Variants in MTMR4 observed in about 807,000 individuals in gnomAD.
The protein encoded by MTMR4 is myotubularin related protein 4, also known as phosphatidylinositol-3,5-bisphosphate 3-phosphatase MTMR4.
In MTMR4, 30 loss-of-function variants were observed where a neutral mutation model predicts 125.5. The observed-to-expected ratio is 0.24, with a 90% CI of 0.18 to 0.32. MTMR4 has a LOEUF of 0.32. Ranked by LOEUF, MTMR4 falls within the 10% of genes least tolerant of loss-of-function variation. The probability of loss-of-function intolerance (pLI) is 1.00; values close to 1 mark genes in which losing one functional copy is unlikely to be tolerated. For synonymous variants in MTMR4, 498 were observed against 564.5 expected (o/e 0.88, Z 1.67); for missense variants, 1,039 against 1,511.5 (o/e 0.69, Z 5.18).
chr17:58,512,097 G>A lies in MTMR4; in HGVS notation c.252+293C>T, dbSNP rs554044658. ...CACCTCCCAGGTTCAAGTGATTCCC[G>A]TACCTCAGCCCCCGAGTAGGTGGGA... On this transcript the variant is annotated intron_variant, in intron 3 of 17. Transcript: ENST00000682306. The surrounding 1 kb of genome is among the most constrained non-coding windows in gnomAD (Gnocchi z 4.1). Among the ~76,000 whole-genome samples, 3 of 151,890 alleles carry A rather than the reference G, an allele frequency of 2.0e-5. No individual in the cohort carries two copies. Among genetic ancestry groups the A allele is most frequent in the East Asian group, 3.9e-4 (2 of 5,170 alleles).
Position 58,512,457 on chromosome 17 carries a change from G to C in MTMR4, c.185C>G (p.Ala62Gly), listed in dbSNP as rs754393169. Residue 62 changes from alanine (A) to glycine (G), a missense_variant, in exon 3 of 18, where the codon GCA (alanine) becomes GGA (glycine). Physicochemically the swap from Ala to Gly is moderately conservative, Grantham distance 60. Coordinates refer to ENST00000682306, the MANE Select transcript of MTMR4 (RefSeq NM_001378067.1). This position sits in a 1 kb window ranked among gnomAD's most constrained non-coding sequence, Gnocchi z 4.1. ...AGAGATGGCAATGAGGGCATCGGCT[G>C]CCCGGCCCAGGAACTCTACTCCCTC... ...QGEGVEFLGR[A>G]ADALIAISNY... The C allele has an allele frequency of 1.2e-6, 2 of 1,614,162 alleles. No homozygotes were observed. The highest frequency in any genetic ancestry group is 1.7e-5 in the Admixed American group (1 of 60,026).
In MTMR4 at chr17:58,495,274, T is replaced by C. The variant is rs1975428334; in HGVS notation, c.2910A>G (p.Arg970=). The C allele has an allele frequency of 1.2e-6, 2 of 1,614,182 alleles. No homozygotes were observed. The highest frequency in any genetic ancestry group is 1.7e-6 in the Non-Finnish European group (2 of 1,180,038). ...GPCFGGQWAQ[R]EGVKSPVCSS... ...AACAGACAGGTGACTTCACACCTTC[T>C]CTCTGAGCCCACTGGCCCCCAAAGC... Residue 970 remains arginine (R), a synonymous_variant, in exon 15 of 18, where the codon AGA becomes AGG. Coordinates refer to ENST00000682306, the MANE Select transcript of MTMR4 (RefSeq NM_001378067.1).
chr17:58,497,854 G>C (rs1254350242), intron 14 of MTMR4, among the ~76,000 whole-genome samples: 2 of 150,698 alleles, frequency 1.3e-5, no homozygotes, highest in Non-Finnish European at 3.0e-5. Flanking sequence ...GTGGGGCCTA[G>C]GGATCTGTAT....
In MTMR4 at chr17:58,490,661, G is replaced by A. The variant is rs1975292196; in HGVS notation, c.*1002C>T. Reference sequence around the variant, plus strand: ...AGGTGTCAAGTGTTCAGGATAAGAAGCAATGTGACCCAGAGGAGGCATCAG... The same window carrying A: ...AGGTGTCAAGTGTTCAGGATAAGAAACAATGTGACCCAGAGGAGGCATCAG... On this transcript the variant is annotated 3_prime_UTR_variant, in exon 18 of 18. Coordinates refer to ENST00000682306, the MANE Select transcript of MTMR4 (RefSeq NM_001378067.1). The A allele has an allele frequency of 6.6e-6, 1 of 152,618 alleles. No homozygotes were observed. The highest frequency in any genetic ancestry group is 6.5e-5 in the Admixed American group (1 of 15,268). 9.5% of individuals were successfully genotyped at this position (152,618 alleles called of 1,614,324 possible). A position where few individuals can be genotyped will look rare whatever the true frequency, so the allele number is the denominator to read the frequency against.
At position 58,508,065 on chromosome 17, in the gene MTMR4, A is replaced by G; in HGVS notation, c.707+96T>C. 1 of 851,004 alleles carries G rather than the reference A, an allele frequency of 1.2e-6. No homozygotes were observed. The highest frequency in any genetic ancestry group is 1.9e-6 in the Non-Finnish European group (1 of 519,310). 52.7% of individuals were successfully genotyped at this position (851,004 alleles called of 1,614,324 possible). On this transcript the variant is annotated intron_variant, in intron 7 of 17. Coordinates refer to ENST00000682306, the MANE Select transcript of MTMR4 (RefSeq NM_001378067.1). This position sits in a 1 kb window ranked among gnomAD's most constrained non-coding sequence, Gnocchi z 4.8. Reference sequence around the variant, plus strand: ...TTTCATACTTCCCCATAGAGTGTCAATTCTCAGTCAACCAGGTTACCCAAA... The same window carrying G: ...TTTCATACTTCCCCATAGAGTGTCAGTTCTCAGTCAACCAGGTTACCCAAA...
rs369450244 is a variant in MTMR4, at chr17:58,504,306, G to A, written c.1524C>T (p.Phe508=). The A allele has an allele frequency of 7.4e-6, 12 of 1,613,310 alleles. No homozygotes were observed. The African/African-American group carries it at 1.5e-4, about 20-fold the overall frequency. ...FPCLFEFNEA[F]LVKLVQHTYS... is the part of the protein sequence containing the mutation. ...TGTCACAGGCCTTAGGACTTACCAG[G>A]AATGCTTCATTAAATTCAAACAGGC... Residue 508 remains phenylalanine (F), a synonymous_variant, in exon 12 of 18, where the codon TTC becomes TTT. Transcript: ENST00000682306. The surrounding 1 kb of genome is among the most constrained non-coding windows in gnomAD (Gnocchi z 7.1).
rs1342976653 is a variant in MTMR4, at chr17:58,512,815, G to A, written c.135+37C>T. The A allele has an allele frequency of 6.4e-7, 1 of 1,560,952 alleles. No individual in the cohort carries two copies. Among genetic ancestry groups the A allele is most frequent in the Non-Finnish European group, 8.8e-7 (1 of 1,134,088 alleles). ...GGGAGGGTGTTTTTTAACTGGGCAG[G>A]GAGCCCCATCTATCCTGGCCCCCAA... On this transcript the variant is annotated intron_variant, in intron 2 of 17. Transcript: ENST00000682306. This position sits in a 1 kb window ranked among gnomAD's most constrained non-coding sequence, Gnocchi z 4.1.
intron 7 of MTMR4, 133 bp from the exon 8 acceptor site, chr17:58,507,452 C>T: frequency 1.4e-6 from 1 of 690,376 alleles, no homozygotes; most frequent in Non-Finnish European, 2.4e-6. Context: ...CAACCAAAAG[C>T]CCCAACGTCA....
Position 58,508,714 on chromosome 17 carries a change from C to T in MTMR4, c.463G>A (p.Glu155Lys), listed in dbSNP as rs752184402. Reference protein sequence around the residue: ...AYHAWCLGLTEEDQHTHLCQP... With the variant: ...AYHAWCLGLTKEDQHTHLCQP... ...CATAGGTGAGTGTGCTGGTCCTCCTCGGTCAGCCCCAGGCACCAGGCATGG... is the reference window on the plus strand; with the variant it reads ...CATAGGTGAGTGTGCTGGTCCTCCTTGGTCAGCCCCAGGCACCAGGCATGG... The change falls in exon 5 of 18, where the codon GAG (glutamate) becomes AAG (lysine). Residue 155 changes from glutamate (E) to lysine (K), a missense_variant. Coordinates refer to ENST00000682306, the MANE Select transcript of MTMR4 (RefSeq NM_001378067.1). The surrounding 1 kb of genome is among the most constrained non-coding windows in gnomAD (Gnocchi z 4.8). The T allele has an allele frequency of 2.5e-5, 40 of 1,614,094 alleles. No individual in the cohort carries two copies. Among genetic ancestry groups the T allele is most frequent in the African/African-American group, 2.0e-4 (15 of 74,948 alleles).
intron 15 of MTMR4, 32 bp downstream of exon 15, chr17:58,494,900 T>A: frequency 6.3e-7 from 1 of 1,588,786 alleles, no homozygotes; most frequent in Middle Eastern, 1.7e-4. Context: ...ACAGAGTAAA[T>A]AATGGGTGTA....
chr17:58,511,645 T>C, intron 3 of MTMR4, 134 bp from the exon 4 acceptor site: 2 of 679,442 alleles, frequency 2.9e-6, no homozygotes, highest in Non-Finnish European at 5.1e-6. Flanking sequence ...AAGCACCTGG[T>C]AACTGTACGG....
chr17:58,497,028 T>C (rs1975488113), intron 14 of MTMR4, among the ~76,000 whole-genome samples: 1 of 152,188 alleles, frequency 6.6e-6, no homozygotes, highest in Non-Finnish European at 1.5e-5. Flanking sequence ...CCCTAGTATA[T>C]AGCACTCAGA....
intron 9 of MTMR4, 131 bp from the exon 10 acceptor site, chr17:58,505,714 CCTGA>C (rs1228882537): frequency 1.5e-5 from 8 of 516,290 alleles, no homozygotes; most frequent in African/African-American, 5.7e-5. Flanking sequence ...TCAAGAACAG[CCTGA>C]CTAACACAGT....
Position 58,495,517 on chromosome 17 carries a change from C to A in MTMR4, c.2667G>T (p.Leu889Phe), listed in dbSNP as rs761714590. Residue 889 changes from leucine to phenylalanine, a missense_variant, in exon 15 of 18, where the codon TTG becomes TTT. Leu to Phe is a conservative substitution (Grantham distance 22). Transcript: ENST00000682306. ...GCATTTTCCCAAAGCGAGGATTTTC[C>A]AATAACTGCCCATTCCTATTATTTC... ...KRGNNRNGQL[L>F]ENPRFGKMPL... 6.2e-7 allele frequency: 1 copy of A among 1,614,228 alleles called. No homozygotes were observed.
Position 58,506,732 on chromosome 17 carries a change from A to G in MTMR4, c.1033+11T>C. 16 of 1,612,508 alleles carry G rather than the reference A, an allele frequency of 9.9e-6. No homozygotes were observed. Among genetic ancestry groups the G allele is most frequent in the Non-Finnish European group, 1.4e-5 (16 of 1,179,132 alleles). ...ACAGGCTGGCTGCAGACACTGGGAT[A>G]ACAGCAATACCTTCACATTCACAGC... On this transcript the variant is annotated intron_variant, in intron 9 of 17. Transcript: ENST00000682306.
intron 14 of MTMR4, among the ~76,000 whole-genome samples, chr17:58,497,441 G>A (rs1311676235): frequency 1.3e-5 from 2 of 152,028 alleles, no homozygotes; most frequent in African/African-American, 4.8e-5. Context: ...TCTTTGCTGT[G>A]TGACTTTAAC....
intron 14 of MTMR4, among the ~76,000 whole-genome samples, chr17:58,499,242 TA>T (rs57477358): frequency 1.5e-4 from 22 of 144,822 alleles, no homozygotes; most frequent in East Asian, 2.0e-4. Flanking sequence ...CTTTTTTTTT[TA>T]AAAAAAAAAA....
chr17:58,492,969 GACA>G lies in MTMR4; in HGVS notation c.3253-20_3253-18del. 6.3e-7 allele frequency: 1 copy of G among 1,596,262 alleles called. No individual in the cohort carries two copies. The highest frequency in any genetic ancestry group is 1.3e-5 in the African/African-American group (1 of 74,680). ...CAAACATGTCTGATGAAAAGGCAAA[GACA>G]ACAAATTATCTTCATCATCATTAAC... On this transcript the variant is annotated intron_variant, in intron 15 of 17. Coordinates refer to ENST00000682306, the MANE Select transcript of MTMR4 (RefSeq NM_001378067.1).
chr17:58,512,139 C>T lies in MTMR4; in HGVS notation c.252+251G>A, dbSNP rs2143930945. 6.6e-6 allele frequency among the ~76,000 whole-genome samples: 1 copy of T among 152,266 alleles called. No individual in the cohort carries two copies. The highest frequency in any genetic ancestry group is 2.4e-5 in the African/African-American group (1 of 41,548). On this transcript the variant is annotated intron_variant, in intron 3 of 17. Transcript: ENST00000682306. This position sits in a 1 kb window ranked among gnomAD's most constrained non-coding sequence, Gnocchi z 4.1. ...TAGGTGGGATTACAGGTGCGCACCA[C>T]CAAGCCCGACTAATTTTTGTATTGT... is the stretch of plus-strand genomic sequence containing the variant.
Sources: gnomAD v4.1 joint callset for allele counts (sites outside exome capture counted in the v4.1 genomes callset) on GRCh38, gnomAD v4.1.1 for gene constraint, Gnocchi (gnomAD v3.1) non-coding constraint, MANE v1.5 for transcripts, NCBI Gene and HGNC (gene_info 2026-07-23, HGNC 2026-07-21) for gene names.